MFSD6: variants seen among roughly 807,000 people sequenced by gnomAD.
The protein encoded by MFSD6 is major facilitator superfamily domain-containing protein 6.
A neutral mutation model predicts 56.3 loss-of-function variants in MFSD6; 26 were observed. That is an observed-to-expected ratio of 0.46 (90% CI 0.34 to 0.64). The LOEUF (loss-of-function observed/expected upper bound fraction) is 0.64. MFSD6 is among the 30% of genes least tolerant of loss of function. MFSD6 has a pLI of 0.01. For synonymous variants in MFSD6, 331 were observed against 366.9 expected, an observed-to-expected ratio of 0.90 and a Z score of 1.12; for missense variants, 750 against 986.2, an observed-to-expected ratio of 0.76 and a Z score of 3.21.
rs142435321 is a variant in MFSD6, at chr2:190,488,646, T to C, written c.1631-11T>C. 2 of 1,489,728 alleles carry C rather than the reference T, an allele frequency of 1.3e-6. No individual in the cohort carries two copies. Among genetic ancestry groups the C allele is most frequent in the East Asian group, 2.5e-5 (1 of 39,342 alleles). 92.3% of individuals were successfully genotyped at this position (1,489,728 alleles called of 1,614,324 possible). A position where few individuals can be genotyped will look rare whatever the true frequency, so the allele number is the denominator to read the frequency against. ...AACCAACTAATCCCTCCTGCTCTTCTTCCTCTCCAGGAGTGACACACGCGG... is the reference window on the plus strand; with the variant it reads ...AACCAACTAATCCCTCCTGCTCTTCCTCCTCTCCAGGAGTGACACACGCGG... On this transcript the variant is annotated splice_polypyrimidine_tract_variant and intron_variant, in intron 4 of 7. Coordinates refer to ENST00000392328, the MANE Select transcript of MFSD6 (RefSeq NM_017694.4). The surrounding 1 kb of genome is among the most constrained non-coding windows in gnomAD (Gnocchi z 6.4).
At position 190,467,115 on chromosome 2, in the gene MFSD6, T is replaced by G. The variant is rs1687647512; in HGVS notation, c.1533-2643T>G. 6.6e-6 allele frequency among the ~76,000 whole-genome samples: 1 copy of G among 152,184 alleles called. No homozygotes were observed. Among genetic ancestry groups the G allele is most frequent in the Non-Finnish European group, 1.5e-5 (1 of 68,022 alleles). The stretch of plus-strand genomic sequence containing the variant: ...CACTAGGAAAGTGGATTACCAACAT[T>G]GTTTTATGATGGGATTATATTACAG... On this transcript the variant is annotated intron_variant, in intron 3 of 7. Transcript: ENST00000392328. The surrounding 1 kb of genome is among the most constrained non-coding windows in gnomAD (Gnocchi z 5.5).
rs1690512948 is a variant in MFSD6 at position 190,410,457 on chromosome 2, C to T, written c.-176+1954C>T. ...GTCTCTCCACCTACGCAGATGTCTT[C>T]CTTAGCTTCGTGCCTTTGAAAATTA... On this transcript the variant is annotated intron_variant, in intron 1 of 7. Transcript: ENST00000392328. The surrounding 1 kb of genome is among the most constrained non-coding windows in gnomAD (Gnocchi z 4.4). Among the ~76,000 whole-genome samples the T allele has an allele frequency of 6.6e-6, 1 of 152,210 alleles. No homozygotes were observed. Among genetic ancestry groups the T allele is most frequent in the African/African-American group, 2.4e-5 (1 of 41,462 alleles).
Position 190,432,472 on chromosome 2 carries a change from A to G in MFSD6, c.-53-3505A>G, listed in dbSNP as rs553123002. On this transcript the variant is annotated intron_variant, in intron 2 of 7. Transcript: ENST00000392328. ...CTCCGTCACCCAGGCTGGAGAATGC[A>G]GTGGCGTGATCTCGGCTCTCTGCAA... Among the ~76,000 whole-genome samples the G allele has an allele frequency of 4.6e-5, 7 of 152,304 alleles. No homozygotes were observed. In the East Asian group the frequency reaches 1.2e-3, roughly 25 times the overall value.
At chr2:190,477,521 T>A in intron 4 of MFSD6, 1 of 221,720 alleles carries the variant, frequency 4.5e-6, no homozygotes, top group Non-Finnish European at 7.6e-6. Flanking sequence ...ATGAAACGGT[T>A]AAAGAACAAC....
chr2:190,462,543 A>G lies in MFSD6; in HGVS notation c.1533-7215A>G, dbSNP rs936237150. Among the ~76,000 whole-genome samples, 16 of 152,322 alleles carry G rather than the reference A, an allele frequency of 1.1e-4. No individual in the cohort carries two copies. Among genetic ancestry groups the G allele is most frequent in the South Asian group, 8.3e-4 (4 of 4,826 alleles). The stretch of plus-strand genomic sequence containing the variant: ...AGCAAGGCAGGCTCTTTTTGAGTAC[A>G]AAGAGGAAGAAGACATGGCCGTTGT... On this transcript the variant is annotated intron_variant, in intron 3 of 7. Transcript: ENST00000392328. The surrounding 1 kb of genome is among the most constrained non-coding windows in gnomAD (Gnocchi z 5.7).
At position 190,489,699 on chromosome 2, in the gene MFSD6, T is replaced by C. The variant is rs958702143; in HGVS notation, c.1793-69T>C. 2 of 1,410,252 alleles carry C rather than the reference T, an allele frequency of 1.4e-6. No individual in the cohort carries two copies. Among genetic ancestry groups the C allele is most frequent in the Non-Finnish European group, 2.0e-6 (2 of 1,022,934 alleles). The allele number at this position is 1,410,252 out of a possible 1,614,324, so 87.4% of individuals were successfully genotyped here. A position where few individuals can be genotyped will look rare whatever the true frequency, so the allele number is the denominator to read the frequency against. On this transcript the variant is annotated intron_variant, in intron 5 of 7. Transcript: ENST00000392328. The surrounding 1 kb of genome is among the most constrained non-coding windows in gnomAD (Gnocchi z 6.6). ...TCCTTTGCTTTGATCTTTAGAAAAC[T>C]GATGGTTTTAGATGAGCGCTATCTG... is the stretch of plus-strand genomic sequence containing the variant.
chr2:190,409,074 A>G (rs555520392), intron 1 of MFSD6, among the ~76,000 whole-genome samples: 17 of 151,658 alleles, frequency 1.1e-4, no homozygotes, highest in South Asian at 4.2e-4. Context: ...ATAAATACGG[A>G]AAAAAAAATA....
intron 4 of MFSD6, among the ~76,000 whole-genome samples, chr2:190,473,966 C>G (rs1688118449): frequency 6.6e-6 from 1 of 152,186 alleles, no homozygotes; most frequent in South Asian, 2.1e-4. Context: ...TGAATGACTA[C>G]TGGGTACATA....
Position 190,458,436 on chromosome 2 carries a change from C to A in MFSD6, c.1533-11322C>A, listed in dbSNP as rs187783717. 1.6e-4 allele frequency among the ~76,000 whole-genome samples: 24 copies of A among 149,658 alleles called. No individual in the cohort carries two copies. Among genetic ancestry groups the A allele is most frequent in the Admixed American group, 1.6e-3 (23 of 14,660 alleles). Reference sequence around the variant, plus strand: ...GCCAACGAGAGGGGCCCTGGAGAAACCAACATTGCCAACACCTTGATTTTG... The same window carrying A: ...GCCAACGAGAGGGGCCCTGGAGAAAACAACATTGCCAACACCTTGATTTTG... On this transcript the variant is annotated intron_variant, in intron 3 of 7. Transcript: ENST00000392328. The surrounding 1 kb of genome is among the most constrained non-coding windows in gnomAD (Gnocchi z 5.3).
Position 190,436,692 on chromosome 2 carries a change from C to G in MFSD6, c.663C>G (p.Asn221Lys). Reference protein sequence around the residue: ...TVTLPTAPNMNSEPTLQPQTG... With the variant: ...TVTLPTAPNMKSEPTLQPQTG... ...CTTTGCCAACAGCTCCAAACATGAA[C>G]AGTGAACCCACTCTGCAGCCCCAGA... is the stretch of plus-strand genomic sequence containing the variant. The change falls in exon 3 of 8, where the codon AAC (asparagine) becomes AAG (lysine). Residue 221 changes from asparagine to lysine, a missense_variant. Transcript: ENST00000392328. This position sits in a 1 kb window ranked among gnomAD's most constrained non-coding sequence, Gnocchi z 5.3. The G allele has an allele frequency of 6.2e-7, 1 of 1,614,232 alleles. No homozygotes were observed. Among genetic ancestry groups the G allele is most frequent in the Non-Finnish European group, 8.5e-7 (1 of 1,180,056 alleles).
rs1005671109 is a variant in MFSD6 at position 190,452,257 on chromosome 2, A to AAAC, written c.1532+14705_1532+14707dup. On this transcript the variant is annotated intron_variant, in intron 3 of 7. Coordinates refer to ENST00000392328, the MANE Select transcript of MFSD6 (RefSeq NM_017694.4). ...GAGACAGAGCCAGACTCCATCTCAAAAACAACAACAATAACACAACAACAA... is the reference window on the plus strand; with the variant it reads ...GAGACAGAGCCAGACTCCATCTCAAAAACAACAACAACAATAACACAACAACAA... Among the ~76,000 whole-genome samples the AAAC allele has an allele frequency of 7.9e-5, 12 of 152,282 alleles. No homozygotes were observed. In the East Asian group the frequency reaches 1.4e-3, roughly 17 times the overall value.
chr2:190,478,680 T>C (rs1688483374), intron 4 of MFSD6, among the ~76,000 whole-genome samples: 1 of 152,126 alleles, frequency 6.6e-6, no homozygotes, highest in Admixed American at 6.6e-5. Context: ...ATTCCTTGAC[T>C]GGAAATGTTA....
In MFSD6 at chr2:190,457,632, A is replaced by T. The variant is rs1240684216; in HGVS notation, c.1533-12126A>T. ...CTTCTGCATGTACTGGCTCAGGCAG[A>T]ATTTGTAAAAGATGTGGCTGTTATT... On this transcript the variant is annotated intron_variant, in intron 3 of 7. Transcript: ENST00000392328. This position sits in a 1 kb window ranked among gnomAD's most constrained non-coding sequence, Gnocchi z 5.1. Among the ~76,000 whole-genome samples, 2 of 152,232 alleles carry T rather than the reference A, an allele frequency of 1.3e-5. No homozygotes were observed. Among genetic ancestry groups the T allele is most frequent in the Non-Finnish European group, 2.9e-5 (2 of 68,042 alleles).
In MFSD6 at chr2:190,424,684, T is replaced by C. The variant is rs1159691814; in HGVS notation, c.-54+9271T>C. On this transcript the variant is annotated intron_variant, in intron 2 of 7. Coordinates refer to ENST00000392328, the MANE Select transcript of MFSD6 (RefSeq NM_017694.4). The surrounding 1 kb of genome is among the most constrained non-coding windows in gnomAD (Gnocchi z 5.9). Reference sequence around the variant, plus strand: ...TGTCTAATTACCTCAGCACCATTTGTTGAAAGGTTACCTTTCCACCATTGA... The same window carrying C: ...TGTCTAATTACCTCAGCACCATTTGCTGAAAGGTTACCTTTCCACCATTGA... Among the ~76,000 whole-genome samples, 1 of 152,204 alleles carries C rather than the reference T, an allele frequency of 6.6e-6. No individual in the cohort carries two copies. The highest frequency in any genetic ancestry group is 1.9e-4 in the East Asian group (1 of 5,192).
chr2:190,469,995 A>C lies in MFSD6; in HGVS notation c.1630+140A>C. On this transcript the variant is annotated intron_variant, in intron 4 of 7. Transcript: ENST00000392328. The surrounding 1 kb of genome is among the most constrained non-coding windows in gnomAD (Gnocchi z 5.3). ...GTGATTTTGAAGTGGTTGTTAAGGA[A>C]GAGATGACATCAGGAGGGATGGTTC... 1.7e-6 allele frequency: 1 copy of C among 599,720 alleles called. No individual in the cohort carries two copies. The highest frequency in any genetic ancestry group is 2.9e-5 in the East Asian group (1 of 34,406). 37.1% of individuals were successfully genotyped at this position (599,720 alleles called of 1,614,324 possible). A position where few individuals can be genotyped will look rare whatever the true frequency, so the allele number is the denominator to read the frequency against.
chr2:190,445,097 G>A (rs1248703475), intron 3 of MFSD6, among the ~76,000 whole-genome samples: 1 of 152,132 alleles, frequency 6.6e-6, no homozygotes, highest in African/African-American at 2.4e-5. Flanking sequence ...CTTCCATCCT[G>A]CTTGTGCTCC....
intron 4 of MFSD6, among the ~76,000 whole-genome samples, chr2:190,483,588 G>A (rs559017648): frequency 4.6e-5 from 7 of 152,158 alleles, no homozygotes; most frequent in African/African-American, 1.7e-4. Flanking sequence ...CGTAATCCCA[G>A]CACTTTGAGA....
chr2:190,452,762 C>T (rs529715971), intron 3 of MFSD6, among the ~76,000 whole-genome samples: 18 of 152,300 alleles, frequency 1.2e-4, no homozygotes, highest in Non-Finnish European at 2.1e-4. Flanking sequence ...AGTGCCCCCA[C>T]GTCCCCAAAT....
Position 190,451,193 on chromosome 2 carries a change from A to T in MFSD6, c.1532+13632A>T, listed in dbSNP as rs960223400. On this transcript the variant is annotated intron_variant, in intron 3 of 7. Transcript: ENST00000392328. The surrounding 1 kb of genome is among the most constrained non-coding windows in gnomAD (Gnocchi z 5.0). Reference sequence around the variant, plus strand: ...CATGTGTGCATTTGATCTAGATTCAAATCCCACACTTAGTCCTGTCTAACA... The same window carrying T: ...CATGTGTGCATTTGATCTAGATTCATATCCCACACTTAGTCCTGTCTAACA... Among the ~76,000 whole-genome samples, 6 of 152,208 alleles carry T rather than the reference A, an allele frequency of 3.9e-5. No homozygotes were observed. Among genetic ancestry groups the T allele is most frequent in the Admixed American group, 2.6e-4 (4 of 15,280 alleles).
Sources: gnomAD v4.1 joint callset for allele counts (sites outside exome capture counted in the v4.1 genomes callset) on GRCh38, gnomAD v4.1.1 for gene constraint, Gnocchi (gnomAD v3.1) non-coding constraint, MANE v1.5 for transcripts, NCBI Gene and HGNC (gene_info 2026-07-23, HGNC 2026-07-21) for gene names.